The following RABGAP1L variants were observed in gnomAD, a reference collection of about 807,000 sequenced individuals.
RABGAP1L encodes the protein rab GTPase-activating protein 1-like.
In RABGAP1L, 63 loss-of-function variants were observed where a neutral mutation model predicts 137.7. The ratio of observed to expected loss-of-function variants is 0.46; its 90% confidence interval spans 0.37 to 0.56. The LOEUF (loss-of-function observed/expected upper bound fraction) is 0.56, where lower values mean the gene tolerates loss of function less well. RABGAP1L is among the 20% of genes least tolerant of loss of function. RABGAP1L has a pLI of 0.00. For synonymous variants in RABGAP1L, 431 were observed against 433.7 expected (o/e 0.99, Z 0.08); for missense variants, 1,095 against 1,244.0 (o/e 0.88, Z 1.80).
chr1:174,166,121 G>C (rs996302244), intron 1 of RABGAP1L, among the ~76,000 whole-genome samples: 1 of 152,166 alleles, frequency 6.6e-6, no homozygotes, highest in African/African-American at 2.4e-5. Flanking sequence ...AGTATCCTTA[G>C]AGTAGAAGCT....
chr1:174,414,093 A>G (rs1650262298), intron 13 of RABGAP1L, among the ~76,000 whole-genome samples: 2 of 152,176 alleles, frequency 1.3e-5, no homozygotes, highest in Non-Finnish European at 2.9e-5. Flanking sequence ...ACAGATTTGT[A>G]TATATTTTAT....
chr1:174,419,839 T>G (rs10912784), intron 13 of RABGAP1L, among the ~76,000 whole-genome samples: 3,199 of 152,260 alleles, frequency 0.021, 122 homozygotes, highest in African/African-American at 0.07. Flanking sequence ...CAGAAGATGA[T>G]TCTTTTGAAT....
At chr1:174,928,671 C>G (rs1313375308) in intron 19 of RABGAP1L, among the ~76,000 whole-genome samples, 1 of 152,104 alleles carries the variant, frequency 6.6e-6, no homozygotes, top group Non-Finnish European at 1.5e-5. Context: ...GACCTGCAAT[C>G]TTTTGCAAAT....
intron 20 of RABGAP1L, among the ~76,000 whole-genome samples, chr1:174,968,774 T>C (rs1340247406): frequency 6.6e-6 from 1 of 152,218 alleles, no homozygotes; most frequent in Non-Finnish European, 1.5e-5. Context: ...CATGAACCCA[T>C]GTGTCATGAT....
chr1:174,957,612 T>C, intron 20 of RABGAP1L, 63 bp downstream of exon 20: 1 of 1,388,722 alleles, frequency 7.2e-7, no homozygotes, highest in Non-Finnish European at 1.0e-6. Context: ...AGACTGAGTC[T>C]TGCCGTGTTG....
chr1:174,598,186 G>T lies in RABGAP1L; in HGVS notation c.1711-39189G>T, dbSNP rs191636940. ...TCTACTAAAATACAAAAATTAGCTG[G>T]GCATGTTGGTGCATGCCTGTAGTCC... On this transcript the variant is annotated intron_variant, in intron 13 of 25. Coordinates refer to ENST00000681986, the MANE Select transcript of RABGAP1L (RefSeq NM_001366446.1). Among the ~76,000 whole-genome samples the T allele has an allele frequency of 4.7e-4, 72 of 152,096 alleles. 1 individual carries two copies. The highest frequency in any genetic ancestry group is 1.7e-3 in the African/African-American group (71 of 41,496).
At chr1:174,397,064 C>G (rs755755837) in intron 13 of RABGAP1L, among the ~76,000 whole-genome samples, 13 of 151,976 alleles carry the variant, frequency 8.6e-5, no homozygotes, top group Non-Finnish European at 1.6e-4. Flanking sequence ...ATTGCTTGAG[C>G]CCAGGAGATC....
At chr1:174,575,938 T>C (rs1356614244) in intron 13 of RABGAP1L, among the ~76,000 whole-genome samples, 1 of 152,164 alleles carries the variant, frequency 6.6e-6, no homozygotes, top group Non-Finnish European at 1.5e-5. Context: ...TAGGGTTGTT[T>C]GATTATAAGG....
rs559519885 is a variant in RABGAP1L at position 174,859,653 on chromosome 1, C to T, written c.2340+47693C>T. On this transcript the variant is annotated intron_variant, in intron 19 of 25. Coordinates refer to ENST00000681986, the MANE Select transcript of RABGAP1L (RefSeq NM_001366446.1). The stretch of plus-strand genomic sequence containing the variant: ...TTACAAGTGGGTGCTAAATGATGGT[C>T]ACACAGAGGGGAGCAACACACACCG... 2.4e-3 allele frequency among the ~76,000 whole-genome samples: 363 copies of T among 152,040 alleles called. 5 individuals carry two copies. Among genetic ancestry groups the T allele is most frequent in the African/African-American group, 6.7e-3 (277 of 41,446 alleles).
chr1:174,914,403 C>T (rs1558226636), intron 19 of RABGAP1L, among the ~76,000 whole-genome samples: 2 of 152,146 alleles, frequency 1.3e-5, no homozygotes, highest in East Asian at 3.8e-4. Flanking sequence ...TACCAAGCTG[C>T]AGGGATGGCT....
At chr1:174,503,585 C>T (rs900488006) in intron 13 of RABGAP1L, among the ~76,000 whole-genome samples, 1 of 141,320 alleles carries the variant, frequency 7.1e-6, no homozygotes, top group East Asian at 2.3e-4. Context: ...TGCCTGAACT[C>T]GGGAGGCGGA....
In RABGAP1L at chr1:174,250,562, C is replaced by T. The variant is rs1571777157; in HGVS notation, c.805C>T (p.Pro269Ser). ...TGTTAAAGACTCAGTTATTCCTACC[C>T]CCGACAGTGATGTGTTTACCTTCAG... ...SDVKDSVIPT[P>S]DSDVFTFSVS... Residue 269 changes from proline to serine, a missense_variant, in exon 6 of 26, where the codon CCC (proline) becomes TCC (serine). Coordinates refer to ENST00000681986, the MANE Select transcript of RABGAP1L (RefSeq NM_001366446.1). The T allele has an allele frequency of 6.2e-7, 1 of 1,613,792 alleles. No homozygotes were observed. Among genetic ancestry groups the T allele is most frequent in the Non-Finnish European group, 8.5e-7 (1 of 1,179,832 alleles).
At chr1:174,406,192 A>G (rs958509844) in intron 13 of RABGAP1L, among the ~76,000 whole-genome samples, 3 of 152,180 alleles carry the variant, frequency 2.0e-5, no homozygotes, top group Admixed American at 1.3e-4. Flanking sequence ...ATCTACATAT[A>G]TAAAAACTGT....
At chr1:174,786,114 G>C (rs909278333) in intron 18 of RABGAP1L, among the ~76,000 whole-genome samples, 1 of 152,146 alleles carries the variant, frequency 6.6e-6, no homozygotes, top group Non-Finnish European at 1.5e-5. Context: ...GGAGGAGTGT[G>C]GAAGAGTCTT....
chr1:174,821,022 GA>G (rs57317428), intron 19 of RABGAP1L, among the ~76,000 whole-genome samples: 48,209 of 146,080 alleles, frequency 0.33, 8,511 homozygotes, highest in African/African-American at 0.48. Context: ...ATCTCAAAAA[GA>G]AAAAAAAAAA....
In RABGAP1L at chr1:174,947,212, C is replaced by CT. The variant is rs750993057; in HGVS notation, c.2341-10232dup. 3.8e-3 allele frequency among the ~76,000 whole-genome samples: 457 copies of CT among 119,318 alleles called. 2 individuals are homozygous for CT. Among genetic ancestry groups the CT allele is most frequent in the African/African-American group, 4.3e-3 (111 of 26,008 alleles). 78.3% of individuals were successfully genotyped at this position (119,318 alleles called of 152,430 possible). ...AAATGCAAGCGTGTTTAATTTTTTT[C>CT]TTTTTTTTTTTTTCAGACAGTTTCA... On this transcript the variant is annotated intron_variant, in intron 19 of 25. Transcript: ENST00000681986.
chr1:174,718,809 A>ATAGTGTGG, intron 17 of RABGAP1L, among the ~76,000 whole-genome samples: 1 of 145,558 alleles, frequency 6.9e-6, no homozygotes, highest in South Asian at 2.3e-4. Context: ...GAACTCCTTT[A>ATAGTGTGG]TAGTGTGGTA....
intron 13 of RABGAP1L, among the ~76,000 whole-genome samples, chr1:174,578,484 T>G (rs542016274): frequency 6.6e-6 from 1 of 152,302 alleles, no homozygotes; most frequent in African/African-American, 2.4e-5. Flanking sequence ...AGAAGTTGTT[T>G]TTTTTTTAAT....
chr1:174,420,289 A>G (rs1038308099), intron 13 of RABGAP1L, among the ~76,000 whole-genome samples: 4 of 151,560 alleles, frequency 2.6e-5, no homozygotes, highest in African/African-American at 9.7e-5. Context: ...AAACCTGGCC[A>G]GTGTTTTTGC....
Sources: gnomAD v4.1 joint callset for allele counts (sites outside exome capture counted in the v4.1 genomes callset) on GRCh38, gnomAD v4.1.1 for gene constraint, MANE v1.5 for transcripts, NCBI Gene and HGNC (gene_info 2026-07-23, HGNC 2026-07-21) for gene names.